The following CUEDC1 variants were observed in gnomAD, a reference collection of about 807,000 sequenced individuals.
The protein encoded by CUEDC1 is CUE domain-containing protein 1.
A neutral mutation model predicts 43.7 loss-of-function variants in CUEDC1; 30 were observed. That is an observed-to-expected ratio of 0.69 (90% confidence interval 0.51 to 0.93). CUEDC1 has a LOEUF of 0.93. Ranked by LOEUF, CUEDC1 falls within the 40% of genes least tolerant of loss-of-function variation. CUEDC1 has a pLI of 0.00. For missense variants in CUEDC1, 486 were observed against 549.0 expected (o/e 0.89, Z 1.15); for synonymous variants, 223 against 223.6 (o/e 1.00, Z 0.02).
At chr17:57,893,374 T>TGC (rs397762963) in intron 1 of CUEDC1, among the ~76,000 whole-genome samples, 1 of 151,858 alleles carries the variant, frequency 6.6e-6, no homozygotes, top group Non-Finnish European at 1.5e-5. Flanking sequence ...TGTGTGTGTG[T>TGC]TTCAGGCAGC....
chr17:57,933,415 T>A (rs979563895), intron 1 of CUEDC1, among the ~76,000 whole-genome samples: 1 of 152,210 alleles, frequency 6.6e-6, no homozygotes, highest in Non-Finnish European at 1.5e-5. Flanking sequence ...GTGCCTCTTA[T>A]TTTATACTAA....
chr17:57,900,335 C>T (rs766259554), intron 1 of CUEDC1, among the ~76,000 whole-genome samples: 2 of 152,218 alleles, frequency 1.3e-5, no homozygotes, highest in Non-Finnish European at 2.9e-5. Flanking sequence ...AAAGGCACCA[C>T]TGTTCTAGGC....
intron 1 of CUEDC1, among the ~76,000 whole-genome samples, chr17:57,899,235 C>T (rs148179002): frequency 6.6e-6 from 1 of 152,306 alleles, no homozygotes; most frequent in Non-Finnish European, 1.5e-5. Context: ...TTTAGAGCCA[C>T]TCACTGCTGG....
chr17:57,863,784 C>T (rs1453544906), intron 10 of CUEDC1, among the ~76,000 whole-genome samples: 6 of 151,674 alleles, frequency 4.0e-5, no homozygotes, highest in African/African-American at 1.5e-4. Context: ...TGAGGCGGGC[C>T]GAGGTCAGGG....
chr17:57,932,621 G>A (rs1376997192), intron 1 of CUEDC1, among the ~76,000 whole-genome samples: 1 of 146,906 alleles, frequency 6.8e-6, no homozygotes, highest in Non-Finnish European at 1.5e-5. Context: ...AAGTCTGTTG[G>A]AGGGCCAAGG....
chr17:57,870,336 C>A (rs2074017070), intron 6 of CUEDC1, among the ~76,000 whole-genome samples: 2 of 152,242 alleles, frequency 1.3e-5, no homozygotes, highest in Non-Finnish European at 2.9e-5. Flanking sequence ...GCCATCAGAG[C>A]TTCTGAGCAG....
intron 9 of CUEDC1, chr17:57,866,879 T>A (rs1240350151): frequency 2.7e-6 from 1 of 375,048 alleles, no homozygotes; most frequent in African/African-American, 2.0e-5. Flanking sequence ...GGATGCCTCC[T>A]GACCCTCGAA....
Position 57,885,542 on chromosome 17 carries a change from C to T in CUEDC1, c.23G>A (p.Ser8Asn). 1 of 1,377,060 alleles carries T rather than the reference C, an allele frequency of 7.3e-7. No homozygotes were observed. Among genetic ancestry groups the T allele is most frequent in the Non-Finnish European group, 9.3e-7 (1 of 1,072,766 alleles). The allele number at this position is 1,377,060 out of a possible 1,614,324, so 85.3% of individuals were successfully genotyped here. Residue 8 changes from serine (S) to asparagine (N), a missense_variant, in exon 2 of 11, where the codon AGC becomes AAC. By Grantham distance (46) the Ser-to-Asn change is conservative. Transcript: ENST00000577830. MTSLFRR[S>N]SSGSGGGGTA... The stretch of plus-strand genomic sequence containing the variant: ...GCCACCCCCGCCGCTGCCGCTGCTG[C>T]TCCGGCGGAACAGGCTGGTCATTTT...
chr17:57,931,197 G>A (rs892200571), intron 1 of CUEDC1, among the ~76,000 whole-genome samples: 2 of 152,068 alleles, frequency 1.3e-5, no homozygotes, highest in African/African-American at 4.8e-5. Flanking sequence ...CTGAAGTGTG[G>A]GATCATCTGA....
At chr17:57,869,087 G>A in intron 7 of CUEDC1, 35 bp downstream of exon 7, 1 of 1,609,458 alleles carries the variant, frequency 6.2e-7, no homozygotes, top group South Asian at 1.1e-5. Context: ...TCTCAGAAAA[G>A]CTGGGGAGGG....
At chr17:57,918,805 T>C (rs1453957210) in intron 1 of CUEDC1, among the ~76,000 whole-genome samples, 1 of 152,216 alleles carries the variant, frequency 6.6e-6, no homozygotes, top group Non-Finnish European at 1.5e-5. Context: ...GGCCTGGAAA[T>C]ACATTCCACT....
In CUEDC1 at chr17:57,885,745, C is replaced by T. The variant is rs996780538; in HGVS notation, c.-181G>A. 9.6e-7 allele frequency: 1 copy of T among 1,037,762 alleles called. No homozygotes were observed. 64.3% of individuals were successfully genotyped at this position (1,037,762 alleles called of 1,614,324 possible). The stretch of plus-strand genomic sequence containing the variant: ...GAGCTCCGGGTTAGGAGAGTACGGG[C>T]GCGGGGCCCCAGGCAGCCCTTGGAG... On this transcript the variant is annotated 5_prime_UTR_variant, in exon 2 of 11. Coordinates refer to ENST00000577830, the MANE Select transcript of CUEDC1 (RefSeq NM_001271875.2).
intron 2 of CUEDC1, among the ~76,000 whole-genome samples, chr17:57,882,263 G>A (rs2144956813): frequency 6.6e-6 from 1 of 152,128 alleles, no homozygotes; most frequent in Non-Finnish European, 1.5e-5. Context: ...CGCTGGCTCA[G>A]GAGCTGCCTG....
At chr17:57,891,865 C>T (rs1036474729) in intron 1 of CUEDC1, among the ~76,000 whole-genome samples, 2 of 152,170 alleles carry the variant, frequency 1.3e-5, no homozygotes, top group African/African-American at 4.8e-5. Context: ...TTTAGGCTTC[C>T]CTGTCTTCTT....
At chr17:57,871,556 C>T (rs570239181) in intron 5 of CUEDC1, among the ~76,000 whole-genome samples, 187 bp from the exon 6 acceptor site, 2 of 152,184 alleles carry the variant, frequency 1.3e-5, no homozygotes, top group African/African-American at 4.8e-5. Flanking sequence ...AAGAAACTAC[C>T]GCCTGACAGC....
At chr17:57,893,395 A>T (rs953591864) in intron 1 of CUEDC1, among the ~76,000 whole-genome samples, 1 of 128,098 alleles carries the variant, frequency 7.8e-6, no homozygotes, top group African/African-American at 2.6e-5. Flanking sequence ...CCTGACAGAG[A>T]CGCCTTGTCC....
chr17:57,904,305 C>G (rs1399056253), intron 1 of CUEDC1, among the ~76,000 whole-genome samples: 1 of 152,116 alleles, frequency 6.6e-6, no homozygotes, highest in Non-Finnish European at 1.5e-5. Context: ...CCCTGAAACA[C>G]TGTGTCTCGG....
At chr17:57,903,441 G>A (rs2074495500) in intron 1 of CUEDC1, 1 of 152,312 alleles carries the variant, frequency 6.6e-6, no homozygotes, top group African/African-American at 2.4e-5. Flanking sequence ...CTTGAGCAAA[G>A]ACTGTAGCAT....
intron 1 of CUEDC1, among the ~76,000 whole-genome samples, chr17:57,905,386 G>A (rs988035510): frequency 5.3e-5 from 8 of 152,172 alleles, no homozygotes; most frequent in Non-Finnish European, 1.0e-4. Context: ...GCGTGCTGAG[G>A]CCAGGTGGGT....
Sources: gnomAD v4.1 joint callset for allele counts (sites outside exome capture counted in the v4.1 genomes callset) on GRCh38, gnomAD v4.1.1 for gene constraint, MANE v1.5 for transcripts, NCBI Gene and HGNC (gene_info 2026-07-23, HGNC 2026-07-21) for gene names.